FOXD4L3: variants seen among roughly 807,000 people sequenced by gnomAD.
The protein encoded by FOXD4L3 is forkhead box D4 like 3, also known as forkhead box protein D4-like 3.
For synonymous variants in FOXD4L3, 26 were observed against 242.4 expected, an observed-to-expected ratio of 0.11 and a Z score of 8.29; for missense variants, 44 against 545.5, an observed-to-expected ratio of 0.08 and a Z score of 9.16.
the FOXD4L3 span, chr9:68,304,110 A>AG: frequency 6.2e-7 from 1 of 1,610,462 alleles, no homozygotes; most frequent in East Asian, 2.2e-5. Context: ...TTGCAGCAAT[A>AG]GCAGCAGCAT....
chr9:68,303,987 C>A lies in FOXD4L3; in HGVS notation c.1036C>A (p.Pro346Thr). ...ERVQGLRRIC[P>T]RPRGATATCS... is the part of the protein sequence containing the mutation. ...GGTACAGGGGCTGCGCAGAATTTGT[C>A]CCCGACCGCGTGGAGCTACTGCCAC... The change falls in exon 1 of 1, where the codon CCC becomes ACC. Residue 346 changes from proline to threonine, a missense_variant. By Grantham distance (38) the Pro-to-Thr change is conservative (BLOSUM62 -1). Coordinates refer to ENST00000342833, the MANE Select transcript of FOXD4L3 (RefSeq NM_199135.4). The A allele has an allele frequency of 6.2e-7, 1 of 1,611,942 alleles. No homozygotes were observed. The highest frequency in any genetic ancestry group is 8.5e-7 in the Non-Finnish European group (1 of 1,179,842).
chr9:68,305,047 T>C lies in FOXD4L3; in HGVS notation c.*842T>C, dbSNP rs1367255660. 2 of 166,512 alleles carry C rather than the reference T, an allele frequency of 1.2e-5. No individual in the cohort carries two copies. Among genetic ancestry groups the C allele is most frequent in the Non-Finnish European group, 2.9e-5 (2 of 67,812 alleles). The allele number at this position is 166,512 out of a possible 1,614,324, so 10.3% of individuals were successfully genotyped here. ...GAAGTAATCCATTTTAATATGGCCTTTAAAAATTCCAAATATTTGAGGTTG... is the reference window on the plus strand; with the variant it reads ...GAAGTAATCCATTTTAATATGGCCTCTAAAAATTCCAAATATTTGAGGTTG... On this transcript the variant is annotated 3_prime_UTR_variant, in exon 1 of 1. Coordinates refer to ENST00000342833, the MANE Select transcript of FOXD4L3 (RefSeq NM_199135.4).
rs1833721968 is a variant in FOXD4L3, at chr9:68,304,445, C to A, written c.*240C>A. The A allele has an allele frequency of 8.5e-7, 1 of 1,173,698 alleles. No individual in the cohort carries two copies. The highest frequency in any genetic ancestry group is 1.2e-6 in the Non-Finnish European group (1 of 823,964). The allele number at this position is 1,173,698 out of a possible 1,614,324, so 72.7% of individuals were successfully genotyped here. On this transcript the variant is annotated 3_prime_UTR_variant, in exon 1 of 1. Transcript: ENST00000342833. Reference sequence around the variant, plus strand: ...TGGAGAGCAAACACGAACTTCTGTTCGCTGCAAAATGGTTAGAAAGAAACA... The same window carrying A: ...TGGAGAGCAAACACGAACTTCTGTTAGCTGCAAAATGGTTAGAAAGAAACA...
In FOXD4L3 at chr9:68,304,717, TAAGTC is replaced by T. The variant is rs1191275816; in HGVS notation, c.*513_*517del. On this transcript the variant is annotated 3_prime_UTR_variant, in exon 1 of 1. Coordinates refer to ENST00000342833, the MANE Select transcript of FOXD4L3 (RefSeq NM_199135.4). Reference sequence around the variant, plus strand: ...TCCTTGGAGCTGGAAGTATTATTCCTAAGTCTAGTGCAAAATGCTTCTACTCTCTG... The same window carrying T: ...TCCTTGGAGCTGGAAGTATTATTCCTTAGTGCAAAATGCTTCTACTCTCTG... The T allele has an allele frequency of 5.7e-6, 1 of 176,334 alleles. No individual in the cohort carries two copies. Among genetic ancestry groups the T allele is most frequent in the African/African-American group, 2.6e-5 (1 of 38,618 alleles). The allele number at this position is 176,334 out of a possible 1,614,324, so 10.9% of individuals were successfully genotyped here.
rs1554670969 is a variant in FOXD4L3, at chr9:68,304,091, C to G, written c.1140C>G (p.Leu380=). The G allele has an allele frequency of 6.2e-7, 1 of 1,611,310 alleles. No homozygotes were observed. The highest frequency in any genetic ancestry group is 1.3e-5 in the African/African-American group (1 of 74,868). Reference sequence around the variant, plus strand: ...GCAAGTGTCCGCCGCCGCCGCTGCTCGGACAATTTTGCAGCAATAGCAGCA... The same window carrying G: ...GCAAGTGTCCGCCGCCGCCGCTGCTGGGACAATTTTGCAGCAATAGCAGCA... ...LCCKCPPPPL[L]GQFCSNSSSI... Residue 380 remains leucine, a synonymous_variant, in exon 1 of 1, where the codon CTC becomes CTG. Coordinates refer to ENST00000342833, the MANE Select transcript of FOXD4L3 (RefSeq NM_199135.4).
rs1833714779 is a variant in FOXD4L3, at chr9:68,304,172, G to T, written c.1221G>T (p.Trp407Cys). 6.3e-7 allele frequency: 1 copy of T among 1,578,852 alleles called. No homozygotes were observed. Among genetic ancestry groups the T allele is most frequent in the Non-Finnish European group, 8.6e-7 (1 of 1,158,274 alleles). The change falls in exon 1 of 1, where the codon TGG (tryptophan) becomes TGT (cysteine). Residue 407 changes from tryptophan to cysteine, a missense_variant. Transcript: ENST00000342833. ...CGCTCCCACCAAGGGCGCGGTGCTG[G>T]GCGGGCACCTGTCGGCCTCGTCGGC... ...TAALPPRARC[W>C]AGTCRPRRPC
the FOXD4L3 span, chr9:68,303,666 GCCCCTGC>G: frequency 6.3e-7 from 1 of 1,597,368 alleles, no homozygotes; most frequent in African/African-American, 1.3e-5. Context: ...TCTGCTTGGG[GCCCCTGC>G]CCCGCCGCAG....
At position 68,304,052 on chromosome 9, in the gene FOXD4L3, G is replaced by A. The variant is rs781885482; in HGVS notation, c.1101G>A (p.Pro367=). 1.2e-6 allele frequency: 2 copies of A among 1,611,410 alleles called. No homozygotes were observed. The highest frequency in any genetic ancestry group is 1.7e-6 in the Non-Finnish European group (2 of 1,179,544). Residue 367 remains proline (P), a synonymous_variant, in exon 1 of 1, where the codon CCG becomes CCA. Coordinates refer to ENST00000342833, the MANE Select transcript of FOXD4L3 (RefSeq NM_199135.4). ...ATCAAGCCTGTTGCATCCCCAGACC[G>A]CTGCCCCTTTGCTGCAAGTGTCCGC... is the stretch of plus-strand genomic sequence containing the variant. The part of the protein sequence containing the change: ...SDHQACCIPR[P]LPLCCKCPPP...
Position 68,304,505 on chromosome 9 carries a change from T to TAAC in FOXD4L3, c.*301_*303dup, listed in dbSNP as rs1833723415. The TAAC allele has an allele frequency of 1.7e-6, 1 of 590,014 alleles. No individual in the cohort carries two copies. Among genetic ancestry groups the TAAC allele is most frequent in the African/African-American group, 1.9e-5 (1 of 53,156 alleles). 36.5% of individuals were successfully genotyped at this position (590,014 alleles called of 1,614,324 possible). A position where few individuals can be genotyped will look rare whatever the true frequency, so the allele number is the denominator to read the frequency against. On this transcript the variant is annotated 3_prime_UTR_variant, in exon 1 of 1. Transcript: ENST00000342833. ...CGTTCCTCTAAAAACCACCTGAACG[T>TAAC]AACCTTCGCAGGGCGTCAAGTCATC...
At position 68,305,025 on chromosome 9, in the gene FOXD4L3, G is replaced by A. The variant is rs1833734222; in HGVS notation, c.*820G>A. ...TTCATATTTATTATAGATAGCAGAA[G>A]TAATCCATTTTAATATGGCCTTTAA... On this transcript the variant is annotated 3_prime_UTR_variant, in exon 1 of 1. Coordinates refer to ENST00000342833, the MANE Select transcript of FOXD4L3 (RefSeq NM_199135.4). 1 of 167,240 alleles carries A rather than the reference G, an allele frequency of 6.0e-6. No individual in the cohort carries two copies. Among genetic ancestry groups the A allele is most frequent in the Non-Finnish European group, 1.5e-5 (1 of 68,158 alleles). 10.4% of individuals were successfully genotyped at this position (167,240 alleles called of 1,614,324 possible). A position where few individuals can be genotyped will look rare whatever the true frequency, so the allele number is the denominator to read the frequency against.
chr9:68,304,329 C>G lies in FOXD4L3; in HGVS notation c.*124C>G. 6.7e-7 allele frequency: 1 copy of G among 1,495,928 alleles called. No homozygotes were observed. Among genetic ancestry groups the G allele is most frequent in the Non-Finnish European group, 8.9e-7 (1 of 1,117,460 alleles). 92.7% of individuals were successfully genotyped at this position (1,495,928 alleles called of 1,614,324 possible). A position where few individuals can be genotyped will look rare whatever the true frequency, so the allele number is the denominator to read the frequency against. On this transcript the variant is annotated 3_prime_UTR_variant, in exon 1 of 1. Transcript: ENST00000342833. ...AGTTCCCTGGCCAACTCCGCAGGGC[C>G]CTCCTAGAGCCAGGTGGGAGTGGGG...
rs1833718970 is a variant in FOXD4L3 at position 68,304,353 on chromosome 9, G to A, written c.*148G>A. The A allele has an allele frequency of 1.3e-6, 2 of 1,522,210 alleles. No homozygotes were observed. Among genetic ancestry groups the A allele is most frequent in the Non-Finnish European group, 8.8e-7 (1 of 1,136,466 alleles). The allele number at this position is 1,522,210 out of a possible 1,614,324, so 94.3% of individuals were successfully genotyped here. The stretch of plus-strand genomic sequence containing the variant: ...CCCTCCTAGAGCCAGGTGGGAGTGG[G>A]GAGCGACCCGCAGCTGCTCACTCCA... On this transcript the variant is annotated 3_prime_UTR_variant, in exon 1 of 1. Coordinates refer to ENST00000342833, the MANE Select transcript of FOXD4L3 (RefSeq NM_199135.4).
rs1554671042 is a variant in FOXD4L3, at chr9:68,304,403, G to C, written c.*198G>C. On this transcript the variant is annotated 3_prime_UTR_variant, in exon 1 of 1. Coordinates refer to ENST00000342833, the MANE Select transcript of FOXD4L3 (RefSeq NM_199135.4). The stretch of plus-strand genomic sequence containing the variant: ...ACCTTGCGCGGCCCATACTGGGCGT[G>C]TGCATCTGAATCCCGCTGGAGAGCA... 4.0e-6 allele frequency: 6 copies of C among 1,507,414 alleles called. No individual in the cohort carries two copies. In the South Asian group the frequency reaches 5.4e-5, roughly 13 times the overall value. The allele number at this position is 1,507,414 out of a possible 1,614,324, so 93.4% of individuals were successfully genotyped here. A position where few individuals can be genotyped will look rare whatever the true frequency, so the allele number is the denominator to read the frequency against.
At position 68,304,944 on chromosome 9, in the gene FOXD4L3, T is replaced by A. The variant is rs1554671114; in HGVS notation, c.*739T>A. 1.2e-5 allele frequency: 2 copies of A among 168,208 alleles called. No homozygotes were observed. Among genetic ancestry groups the A allele is most frequent in the Non-Finnish European group, 2.9e-5 (2 of 68,944 alleles). The allele number at this position is 168,208 out of a possible 1,614,324, so 10.4% of individuals were successfully genotyped here. A position where few individuals can be genotyped will look rare whatever the true frequency, so the allele number is the denominator to read the frequency against. ...CTATTACATCTCATTCTTCCCTTTC[T>A]AAATGGAACTTTTTAAAACCTACGT... On this transcript the variant is annotated 3_prime_UTR_variant, in exon 1 of 1. Coordinates refer to ENST00000342833, the MANE Select transcript of FOXD4L3 (RefSeq NM_199135.4).
rs1833722933 is a variant in FOXD4L3, at chr9:68,304,485, C to T, written c.*280C>T. ...AGAAAGAAACAGCTGGATTACGTTC[C>T]TCTAAAAACCACCTGAACGTAACCT... On this transcript the variant is annotated 3_prime_UTR_variant, in exon 1 of 1. Transcript: ENST00000342833. 1.6e-6 allele frequency: 1 copy of T among 642,536 alleles called. No homozygotes were observed. The highest frequency in any genetic ancestry group is 2.8e-6 in the Non-Finnish European group (1 of 352,706). The allele number at this position is 642,536 out of a possible 1,614,324, so 39.8% of individuals were successfully genotyped here.
the FOXD4L3 span, chr9:68,303,579 AC>A: frequency 2.4e-5 from 38 of 1,578,576 alleles, no homozygotes; most frequent in Non-Finnish European, 2.8e-5. Context: ...CCACCAACTG[AC>A]CCCGGGAGCC....
At position 68,304,023 on chromosome 9, in the gene FOXD4L3, G is replaced by A. The variant is rs370127483; in HGVS notation, c.1072G>A (p.Asp358Asn). Reference sequence around the variant, plus strand: ...TGGAGCTACTGCCACCTGCTCCAGCGACCATCAAGCCTGTTGCATCCCCAG... The same window carrying A: ...TGGAGCTACTGCCACCTGCTCCAGCAACCATCAAGCCTGTTGCATCCCCAG... The part of the protein sequence containing the change: ...PRGATATCSS[D>N]HQACCIPRPL... Residue 358 changes from aspartate (D) to asparagine (N), a missense_variant, in exon 1 of 1, where the codon GAC becomes AAC. Coordinates refer to ENST00000342833, the MANE Select transcript of FOXD4L3 (RefSeq NM_199135.4). 10 of 1,611,756 alleles carry A rather than the reference G, an allele frequency of 6.2e-6. No individual in the cohort carries two copies. In the African/African-American group the frequency reaches 1.2e-4, roughly 19 times the overall value.
At position 68,304,519 on chromosome 9, in the gene FOXD4L3, CGTCAA is replaced by C. The variant is rs1202652068; in HGVS notation, c.*319_*323del. 2.7e-4 allele frequency: 145 copies of C among 543,702 alleles called. No homozygotes were observed. The Middle Eastern group carries it at 9.2e-3, about 35-fold the overall frequency. The allele number at this position is 543,702 out of a possible 1,614,324, so 33.7% of individuals were successfully genotyped here. ...CCACCTGAACGTAACCTTCGCAGGG[CGTCAA>C]GTCATCTTTTCTTGCCTTCGGTTGT... On this transcript the variant is annotated 3_prime_UTR_variant, in exon 1 of 1. Coordinates refer to ENST00000342833, the MANE Select transcript of FOXD4L3 (RefSeq NM_199135.4).
chr9:68,303,994 C>G lies in FOXD4L3; in HGVS notation c.1043C>G (p.Pro348Arg), dbSNP rs781992185. 2 of 1,611,952 alleles carry G rather than the reference C, an allele frequency of 1.2e-6. No homozygotes were observed. The highest frequency in any genetic ancestry group is 2.2e-5 in the East Asian group (1 of 44,870). ...GGGCTGCGCAGAATTTGTCCCCGAC[C>G]GCGTGGAGCTACTGCCACCTGCTCC... ...VQGLRRICPRPRGATATCSSD... is the reference protein window; with the variant it reads ...VQGLRRICPRRRGATATCSSD... Residue 348 changes from proline (P) to arginine (R), a missense_variant, in exon 1 of 1, where the codon CCG becomes CGG. Pro to Arg is a moderately radical substitution (Grantham distance 103). Transcript: ENST00000342833.
Sources: gnomAD v4.1 joint callset for allele counts on GRCh38, gnomAD v4.1.1 for gene constraint, MANE v1.5 for transcripts, NCBI Gene and HGNC (gene_info 2026-07-23, HGNC 2026-07-21) for gene names.